PPP2R2A: variants seen among roughly 807,000 people sequenced by gnomAD.
PPP2R2A encodes the protein protein phosphatase 2 regulatory subunit Balpha, also known as serine/threonine-protein phosphatase 2A 55 kDa regulatory subunit B alpha isoform.
PPP2R2A carries 9 observed loss-of-function variants against 53.2 expected under a neutral mutation model. The ratio of observed to expected loss-of-function variants is 0.17; its 90% CI spans 0.10 to 0.30. PPP2R2A has a LOEUF of 0.30. Ranked by LOEUF, PPP2R2A falls within the 10% of genes least tolerant of loss-of-function variation. The pLI is 1.00. For missense variants in PPP2R2A, 235 were observed against 534.6 expected (o/e 0.44, Z 5.53); for synonymous variants, 169 against 174.2 (o/e 0.97, Z 0.23).
intron 1 of PPP2R2A, 109 bp from the exon 2 acceptor site, chr8:26,293,557 G>A (rs1801405837): frequency 1.2e-5 from 12 of 1,032,192 alleles, no homozygotes; most frequent in Non-Finnish European, 1.7e-5. Context: ...TTGTATGTGT[G>A]GGCAGAACTA....
Position 26,354,383 on chromosome 8 carries a change from G to T in PPP2R2A, c.181-85G>T, listed in dbSNP as rs557493296. On this transcript the variant is annotated intron_variant, in intron 3 of 9. Coordinates refer to ENST00000380737, the MANE Select transcript of PPP2R2A (RefSeq NM_002717.4). This position sits in a 1 kb window ranked among gnomAD's most constrained non-coding sequence, Gnocchi z 4.6. ...ACAACTAATGGGGTATTGAGAATGT[G>T]CAGGGTCCTTTGGAATTGATTACAT... 2 of 1,148,952 alleles carry T rather than the reference G, an allele frequency of 1.7e-6. No homozygotes were observed. The highest frequency in any genetic ancestry group is 2.6e-5 in the Admixed American group (1 of 38,282). 71.2% of individuals were successfully genotyped at this position (1,148,952 alleles called of 1,614,324 possible). A position where few individuals can be genotyped will look rare whatever the true frequency, so the allele number is the denominator to read the frequency against.
chr8:26,323,452 GC>G (rs1563297418), intron 2 of PPP2R2A, among the ~76,000 whole-genome samples: 2 of 152,138 alleles, frequency 1.3e-5, no homozygotes, highest in Non-Finnish European at 1.5e-5. Context: ...CCACAAGACT[GC>G]CCCCACTTTT....
chr8:26,352,121 G>A (rs1248185134), intron 3 of PPP2R2A, among the ~76,000 whole-genome samples: 1 of 152,184 alleles, frequency 6.6e-6, no homozygotes, highest in Non-Finnish European at 1.5e-5. Context: ...AGGTGAAAAT[G>A]CTGTGCAGGT....
At chr8:26,317,343 G>C (rs1298503971) in intron 2 of PPP2R2A, among the ~76,000 whole-genome samples, 2 of 152,158 alleles carry the variant, frequency 1.3e-5, no homozygotes, top group African/African-American at 4.8e-5. Context: ...TATTTGAAAT[G>C]ATGTTACTTA....
intron 2 of PPP2R2A, among the ~76,000 whole-genome samples, chr8:26,317,962 G>A (rs1309821677): frequency 6.6e-6 from 1 of 152,178 alleles, no homozygotes; most frequent in East Asian, 1.9e-4. Flanking sequence ...AGGGCAAGTA[G>A]CTACCTTTTA....
At chr8:26,324,771 G>T (rs1391013053) in intron 2 of PPP2R2A, among the ~76,000 whole-genome samples, 4 of 152,072 alleles carry the variant, frequency 2.6e-5, no homozygotes, top group African/African-American at 9.7e-5. Flanking sequence ...CAGCAGGGAG[G>T]CTGTACCCTG....
intron 3 of PPP2R2A, among the ~76,000 whole-genome samples, chr8:26,349,946 C>G (rs1185047618): frequency 6.6e-6 from 1 of 152,150 alleles, no homozygotes; most frequent in Admixed American, 6.5e-5. Context: ...TAATTTTATT[C>G]TTGTGAACAG....
intron 2 of PPP2R2A, among the ~76,000 whole-genome samples, chr8:26,334,615 G>A (rs1803557372): frequency 6.6e-6 from 1 of 151,978 alleles, no homozygotes; most frequent in South Asian, 2.1e-4. Flanking sequence ...GGTGGTGGCA[G>A]GTGCCTGTAG....
chr8:26,294,384 AC>A (rs1177865234), intron 2 of PPP2R2A, among the ~76,000 whole-genome samples: 4 of 152,226 alleles, frequency 2.6e-5, no homozygotes, highest in African/African-American at 7.2e-5. Context: ...TGAAGTACTT[AC>A]GTCTAATTTT....
intron 2 of PPP2R2A, chr8:26,333,571 G>T: frequency 8.7e-7 from 1 of 1,148,434 alleles, no homozygotes. Context: ...AAGAGCTGAG[G>T]TATTTAGAGA....
chr8:26,337,278 A>G (rs987998482), intron 2 of PPP2R2A, among the ~76,000 whole-genome samples: 3 of 152,226 alleles, frequency 2.0e-5, no homozygotes, highest in Non-Finnish European at 4.4e-5. Flanking sequence ...CAAATTATCA[A>G]TGCTGTAGGG....
rs17309515 is a variant in PPP2R2A at position 26,360,340 on chromosome 8, A to C, written c.459+59A>C. On this transcript the variant is annotated intron_variant, in intron 5 of 9. Transcript: ENST00000380737. This position sits in a 1 kb window ranked among gnomAD's most constrained non-coding sequence, Gnocchi z 4.5. ...GCTTGTATTCATATTATATAGCCCA[A>C]ATCCTGAGCAGAGCTTGAATAGGAA... The C allele has an allele frequency of 0.052, 50,164 of 965,884 alleles. 1,852 individuals carry two copies. Among genetic ancestry groups the C allele is most frequent in the South Asian group, 0.13 (8,277 of 65,148 alleles). The allele number at this position is 965,884 out of a possible 1,614,324, so 59.8% of individuals were successfully genotyped here.
At position 26,302,929 on chromosome 8, in the gene PPP2R2A, T is replaced by G. The variant is rs563993568; in HGVS notation, c.82+9189T>G. Among the ~76,000 whole-genome samples, 6 of 152,374 alleles carry G rather than the reference T, an allele frequency of 3.9e-5. No individual in the cohort carries two copies. The South Asian group carries it at 1.2e-3, about 32-fold the overall frequency. On this transcript the variant is annotated intron_variant, in intron 2 of 9. Transcript: ENST00000380737. ...AAAGTTTAAAAGGTCTTTGATGGTCTAAGATTTTAAGAGTTAAGGGGATCC... is the reference window on the plus strand; with the variant it reads ...AAAGTTTAAAAGGTCTTTGATGGTCGAAGATTTTAAGAGTTAAGGGGATCC...
chr8:26,345,273 T>C (rs1013561317), intron 3 of PPP2R2A, among the ~76,000 whole-genome samples: 2 of 152,192 alleles, frequency 1.3e-5, no homozygotes, highest in Non-Finnish European at 2.9e-5. Context: ...TTGGAATTTA[T>C]TTACCTTTCC....
At chr8:26,334,248 AAAG>A (rs1803537444) in intron 2 of PPP2R2A, among the ~76,000 whole-genome samples, 1 of 152,188 alleles carries the variant, frequency 6.6e-6, no homozygotes, top group African/African-American at 2.4e-5. Context: ...TTTTCCTTTT[AAAG>A]AAGTTGTTTG....
chr8:26,364,175 G>A (rs1283033242), intron 8 of PPP2R2A, among the ~76,000 whole-genome samples: 1 of 152,086 alleles, frequency 6.6e-6, no homozygotes, highest in African/African-American at 2.4e-5. Flanking sequence ...TTTAAAGTGA[G>A]GATGGAAGAG....
intron 3 of PPP2R2A, among the ~76,000 whole-genome samples, chr8:26,345,034 C>T (rs1047198135): frequency 1.3e-5 from 2 of 152,142 alleles, no homozygotes; most frequent in Non-Finnish European, 2.9e-5. Context: ...ATCATTTGTG[C>T]ATGAAACACA....
intron 2 of PPP2R2A, among the ~76,000 whole-genome samples, chr8:26,328,408 T>TA (rs1456816805): frequency 6.6e-6 from 1 of 152,192 alleles, no homozygotes; most frequent in African/African-American, 2.4e-5. Flanking sequence ...AATTGCCCAA[T>TA]ACCTGCACTA....
chr8:26,345,456 T>G (rs1479486598), intron 3 of PPP2R2A, among the ~76,000 whole-genome samples: 1 of 152,220 alleles, frequency 6.6e-6, no homozygotes, highest in Admixed American at 6.5e-5. Context: ...AAATAAGAAC[T>G]TTTGGTATAT....
Sources: gnomAD v4.1 joint callset for allele counts (sites outside exome capture counted in the v4.1 genomes callset) on GRCh38, gnomAD v4.1.1 for gene constraint, Gnocchi (gnomAD v3.1) non-coding constraint, MANE v1.5 for transcripts, NCBI Gene and HGNC (gene_info 2026-07-23, HGNC 2026-07-21) for gene names.